CDH13: variants seen among roughly 807,000 people sequenced by gnomAD.
CDH13 encodes the protein cadherin 13, also known as cadherin-13.
Under a neutral mutation model 63.8 loss-of-function variants are expected in CDH13, and 24 were observed. The observed-to-expected ratio is 0.38, with a 90% CI of 0.27 to 0.53. The LOEUF is 0.53. Among genes scored for constraint, CDH13 ranks in the 20% least tolerant of loss-of-function variants. The pLI is 0.85. For synonymous variants in CDH13, 503 were observed against 355.3 expected, an observed-to-expected ratio of 1.42 and a Z score of -4.67; for missense variants, 1,049 against 903.1, an observed-to-expected ratio of 1.16 and a Z score of -2.07.
At chr16:83,259,940 T>C (rs950529170) in intron 5 of CDH13, among the ~76,000 whole-genome samples, 2 of 152,166 alleles carry the variant, frequency 1.3e-5, no homozygotes, top group African/African-American at 4.8e-5. Flanking sequence ...AACATCATTC[T>C]TGAGTGATTC....
At chr16:82,657,022 G>A (rs1389443047) in intron 1 of CDH13, among the ~76,000 whole-genome samples, 2 of 149,888 alleles carry the variant, frequency 1.3e-5, no homozygotes, top group African/African-American at 4.9e-5. Context: ...TCTAAGTTTT[G>A]GTGATTACAA....
At chr16:83,359,393 G>A (rs772364408) in intron 6 of CDH13, among the ~76,000 whole-genome samples, 26 of 152,174 alleles carry the variant, frequency 1.7e-4, no homozygotes, top group African/African-American at 2.7e-4. Context: ...AAAATGCCAC[G>A]TGGGTCACAA....
rs540371845 is a variant in CDH13, at chr16:83,181,852, C to T, written c.484-35493C>T. ...AAGGACCACAGTTTGCATAGATTTC[C>T]CATGGAGATGTTGATTGCAGGTTGG... On this transcript the variant is annotated intron_variant, in intron 4 of 13. Transcript: ENST00000567109. Among the ~76,000 whole-genome samples, 8 of 152,090 alleles carry T rather than the reference C, an allele frequency of 5.3e-5. No individual in the cohort carries two copies. In the East Asian group the frequency reaches 1.6e-3, roughly 29 times the overall value.
At chr16:82,826,703 G>A (rs1044902380) in intron 1 of CDH13, 1 of 152,156 alleles carries the variant, frequency 6.6e-6, no homozygotes, top group Non-Finnish European at 1.5e-5. Context: ...TACTGAATGT[G>A]GTAATTTGTT....
At chr16:83,554,879 G>A (rs1286563850) in intron 7 of CDH13, among the ~76,000 whole-genome samples, 1 of 150,128 alleles carries the variant, frequency 6.7e-6, no homozygotes, top group African/African-American at 2.5e-5. Flanking sequence ...CAAAGTTACT[G>A]CAGCACATGT....
chr16:83,082,789 G>A (rs537868805), intron 3 of CDH13, among the ~76,000 whole-genome samples: 1 of 152,184 alleles, frequency 6.6e-6, no homozygotes, highest in Non-Finnish European at 1.5e-5. Flanking sequence ...AAAAACCTAC[G>A]TGGAAAAGAT....
chr16:83,658,464 A>T (rs1170253898), intron 8 of CDH13, among the ~76,000 whole-genome samples: 1 of 135,230 alleles, frequency 7.4e-6, no homozygotes, highest in East Asian at 2.4e-4. Flanking sequence ...GCAAGGTCCC[A>T]TGTCCTCACC....
intron 10 of CDH13, among the ~76,000 whole-genome samples, chr16:83,689,063 C>T (rs142582678): frequency 1.3e-5 from 2 of 152,232 alleles, no homozygotes; most frequent in South Asian, 2.1e-4. Context: ...TTTTACAAAT[C>T]GACCACCTTT....
In CDH13 at chr16:83,264,542, A is replaced by G. The variant is rs1045320106; in HGVS notation, c.636+47045A>G. 1.7e-4 allele frequency among the ~76,000 whole-genome samples: 11 copies of G among 64,008 alleles called. No individual in the cohort carries two copies. The East Asian group carries it at 3.8e-3, about 22-fold the overall frequency. The allele number at this position is 64,008 out of a possible 152,430, so 42.0% of individuals were successfully genotyped here. A position where few individuals can be genotyped will look rare whatever the true frequency, so the allele number is the denominator to read the frequency against. ...TATGTATATATGTATATGTGTGTGT[A>G]TATATATGTATGTGTGTGTGTGTGT... On this transcript the variant is annotated intron_variant, in intron 5 of 13. Coordinates refer to ENST00000567109, the MANE Select transcript of CDH13 (RefSeq NM_001257.5).
intron 8 of CDH13, among the ~76,000 whole-genome samples, chr16:83,636,715 G>A (rs1911296902): frequency 6.6e-6 from 1 of 152,154 alleles, no homozygotes; most frequent in Non-Finnish European, 1.5e-5. Context: ...GTGCTGCAAT[G>A]GATATATGGG....
chr16:83,728,101 G>A (rs984065431), intron 10 of CDH13, among the ~76,000 whole-genome samples: 3 of 152,166 alleles, frequency 2.0e-5, no homozygotes, highest in African/African-American at 7.2e-5. Context: ...GATGTGGACA[G>A]CAGTGAGCAC....
chr16:83,207,111 T>A (rs1326644250), intron 4 of CDH13, among the ~76,000 whole-genome samples: 2 of 152,268 alleles, frequency 1.3e-5, no homozygotes, highest in Non-Finnish European at 2.9e-5. Flanking sequence ...CTATTTTTTT[T>A]AATTGTGGTA....
chr16:83,282,887 G>A (rs999912426), intron 5 of CDH13, among the ~76,000 whole-genome samples: 1 of 152,124 alleles, frequency 6.6e-6, no homozygotes, highest in African/African-American at 2.4e-5. Flanking sequence ...ATGGTTGATA[G>A]GCTAACATGT....
At chr16:82,636,611 C>A (rs1908686581) in intron 1 of CDH13, among the ~76,000 whole-genome samples, 1 of 152,218 alleles carries the variant, frequency 6.6e-6, no homozygotes, top group South Asian at 2.1e-4. Context: ...CCAATGCTAA[C>A]AAGCCTCTGC....
At chr16:83,033,046 A>T (rs112596809) in intron 3 of CDH13, among the ~76,000 whole-genome samples, 1 of 152,222 alleles carries the variant, frequency 6.6e-6, no homozygotes, top group East Asian at 1.9e-4. Flanking sequence ...TATGTTGTAC[A>T]TGTATGTGTA....
At chr16:82,970,708 G>T (rs577988094) in intron 2 of CDH13, among the ~76,000 whole-genome samples, 80 of 152,114 alleles carry the variant, frequency 5.3e-4, no homozygotes, top group Non-Finnish European at 2.9e-4. Context: ...TTACCTGTTT[G>T]AGTGTAAGGC....
chr16:83,518,771 G>A (rs145495905), intron 7 of CDH13, among the ~76,000 whole-genome samples: 1,967 of 151,864 alleles, frequency 0.013, 18 homozygotes, highest in Middle Eastern at 0.055. Flanking sequence ...GAGCCCGGCC[G>A]ATGTGATGGT....
intron 6 of CDH13, among the ~76,000 whole-genome samples, chr16:83,462,396 T>C (rs1465384935): frequency 2.0e-5 from 3 of 152,208 alleles, no homozygotes; most frequent in Admixed American, 6.5e-5. Context: ...TGAATTTCAG[T>C]TTCTAGCTCT....
chr16:83,358,397 T>C (rs564554390), intron 6 of CDH13, among the ~76,000 whole-genome samples: 1 of 152,242 alleles, frequency 6.6e-6, no homozygotes, highest in South Asian at 2.1e-4. Context: ...GTAGAAAATA[T>C]GTGCTAGGAA....
Sources: allele counts gnomAD v4.1 joint callset (sites outside exome capture counted in the v4.1 genomes callset), GRCh38; gene constraint gnomAD v4.1.1; transcripts MANE v1.5; gene names NCBI Gene and HGNC (gene_info 2026-07-23, HGNC 2026-07-21).